Variants in GRIK5 observed in about 807,000 individuals in gnomAD.
GRIK5 encodes the protein glutamate ionotropic receptor kainate type subunit 5.
Under a neutral mutation model 97.4 loss-of-function variants are expected in GRIK5, and 43 were observed. The observed-to-expected ratio is 0.44, with a 90% CI of 0.35 to 0.57. The LOEUF (loss-of-function observed/expected upper bound fraction) is 0.57. Among genes scored for constraint, GRIK5 ranks in the 20% least tolerant of loss-of-function variants. The pLI, the probability that GRIK5 is intolerant of heterozygous loss-of-function variation, is 0.01. For missense variants in GRIK5, 1,015 were observed against 1,382.0 expected (o/e 0.73, Z 4.21); for synonymous variants, 580 against 583.5 (o/e 0.99, Z 0.09).
chr19:42,056,954 C>G lies in GRIK5; in HGVS notation c.712G>C (p.Ala238Pro), dbSNP rs1188392300. 6.4e-7 allele frequency: 1 copy of G among 1,564,542 alleles called. No homozygotes were observed. The highest frequency in any genetic ancestry group is 8.7e-7 in the Non-Finnish European group (1 of 1,154,320). The change falls in exon 7 of 20, where the codon GCG becomes CCG. Residue 238 changes from alanine to proline, a missense_variant. Transcript: ENST00000593562. Reference sequence around the variant, plus strand: ...GTGGTGAGGATGTACTTGTAAAACGCTGAGGTCATTCCCAGTTCCGAGGCC... The same window carrying G: ...GTGGTGAGGATGTACTTGTAAAACGGTGAGGTCATTCCCAGTTCCGAGGCC... ...RKASELGMTS[A>P]FYKYILTTMD...
At chr19:42,054,252 T>A in intron 9 of GRIK5, 68 bp downstream of exon 9, 1 of 1,512,868 alleles carries the variant, frequency 6.6e-7, no homozygotes, top group Non-Finnish European at 9.0e-7. Flanking sequence ...CACAGGGTGG[T>A]CACAGTGAGC....
At chr19:42,050,657 CAAAA>C in intron 11 of GRIK5, among the ~76,000 whole-genome samples, 1 of 58,724 alleles carries the variant, frequency 1.7e-5, no homozygotes, top group Admixed American at 2.0e-4. Flanking sequence ...GACTCTGTCT[CAAAA>C]AAAAAAAAAA....
At position 42,022,112 on chromosome 19, in the gene GRIK5, GC is replaced by G; in HGVS notation, c.1588-57del. Reference sequence around the variant, plus strand: ...ACCCCTGGCCTGAGCCTCACACCCAGCCCCTGCCCTACCAGGGACCTGGGAG... The same window carrying G: ...ACCCCTGGCCTGAGCCTCACACCCAGCCCTGCCCTACCAGGGACCTGGGAG... On this transcript the variant is annotated intron_variant, in intron 13 of 19. Coordinates refer to ENST00000593562, the MANE Select transcript of GRIK5 (RefSeq NM_002088.5). The surrounding 1 kb of genome is among the most constrained non-coding windows in gnomAD (Gnocchi z 4.2). 7.0e-7 allele frequency: 1 copy of G among 1,437,574 alleles called. No homozygotes were observed. Among genetic ancestry groups the G allele is most frequent in the Non-Finnish European group, 9.7e-7 (1 of 1,030,958 alleles). The allele number at this position is 1,437,574 out of a possible 1,614,324, so 89.1% of individuals were successfully genotyped here.
At position 42,065,202 on chromosome 19, in the gene GRIK5, C is replaced by T. The variant is rs747846558; in HGVS notation, c.244+21G>A. ...CACCGACCTGCCCTGCCTCACCCCA[C>T]GCCCCCATGGCCCCGCTCACTGGTG... On this transcript the variant is annotated intron_variant, in intron 3 of 19. Coordinates refer to ENST00000593562, the MANE Select transcript of GRIK5 (RefSeq NM_002088.5). This position sits in a 1 kb window ranked among gnomAD's most constrained non-coding sequence, Gnocchi z 5.8. The T allele has an allele frequency of 1.4e-5, 23 of 1,595,894 alleles. No homozygotes were observed. The highest frequency in any genetic ancestry group is 4.0e-5 in the African/African-American group (3 of 74,862).
intron 3 of GRIK5, among the ~76,000 whole-genome samples, chr19:42,064,190 C>G (rs2076297379): frequency 6.6e-6 from 1 of 152,180 alleles, no homozygotes; most frequent in Non-Finnish European, 1.5e-5. Flanking sequence ...ATCCAGTCTC[C>G]AGATTCTCTT....
intron 11 of GRIK5, 23 bp downstream of exon 11, chr19:42,053,579 G>T: frequency 7.1e-7 from 1 of 1,400,712 alleles, no homozygotes; most frequent in Non-Finnish European, 1.0e-6. Context: ...GCCACTCCCA[G>T]GCCCCCATCT....
chr19:41,999,662 C>A lies in GRIK5; in HGVS notation c.2515-363G>T, dbSNP rs916187589. On this transcript the variant is annotated intron_variant, in intron 19 of 19. Transcript: ENST00000593562. This position sits in a 1 kb window ranked among gnomAD's most constrained non-coding sequence, Gnocchi z 5.0. The stretch of plus-strand genomic sequence containing the variant: ...CATCCATGCGTTCATTATTGCAAGG[C>A]ATATTTACCTGTGGCCTGCTGTGTG... 2.6e-5 allele frequency among the ~76,000 whole-genome samples: 4 copies of A among 152,300 alleles called. No individual in the cohort carries two copies. The highest frequency in any genetic ancestry group is 2.1e-4 in the South Asian group (1 of 4,826).
intron 12 of GRIK5, among the ~76,000 whole-genome samples, chr19:42,029,873 G>A (rs1197462894): frequency 6.6e-6 from 1 of 152,114 alleles, no homozygotes; most frequent in Non-Finnish European, 1.5e-5. Flanking sequence ...AATCCAAAAA[G>A]TCCACCAAAT....
At chr19:42,026,915 G>A (rs1599779675) in intron 12 of GRIK5, among the ~76,000 whole-genome samples, 1 of 151,958 alleles carries the variant, frequency 6.6e-6, no homozygotes, top group Non-Finnish European at 1.5e-5. Context: ...ACCCAATGAG[G>A]CCCTAACTAC....
rs1873831818 is a variant in GRIK5 at position 42,021,085 on chromosome 19, C to A, written c.1871+216G>T. ...TTCTCCCCATCTTTCAGGGAGGTCA[C>A]TGAGGCAAAGGGAGGGTTGCGGTCT... On this transcript the variant is annotated intron_variant, in intron 15 of 19. Coordinates refer to ENST00000593562, the MANE Select transcript of GRIK5 (RefSeq NM_002088.5). The surrounding 1 kb of genome is among the most constrained non-coding windows in gnomAD (Gnocchi z 4.2). Among the ~76,000 whole-genome samples, 1 of 152,188 alleles carries A rather than the reference C, an allele frequency of 6.6e-6. No homozygotes were observed.
chr19:42,029,587 CA>C (rs1004278436), intron 12 of GRIK5, among the ~76,000 whole-genome samples: 1 of 152,032 alleles, frequency 6.6e-6, no homozygotes, highest in Non-Finnish European at 1.5e-5. Flanking sequence ...TCAAAACAAA[CA>C]AAAAAACCCT....
chr19:42,030,978 G>C (rs1379292703), intron 12 of GRIK5, among the ~76,000 whole-genome samples: 2 of 152,214 alleles, frequency 1.3e-5, no homozygotes, highest in Non-Finnish European at 2.9e-5. Flanking sequence ...AAGTGGGAAA[G>C]TTGATGTCAC....
chr19:41,999,247 C>A lies in GRIK5; in HGVS notation c.2567G>T (p.Arg856Leu). 1.3e-6 allele frequency: 2 copies of A among 1,524,620 alleles called. No individual in the cohort carries two copies. Among genetic ancestry groups the A allele is most frequent in the South Asian group, 1.2e-5 (1 of 83,510 alleles). 94.4% of individuals were successfully genotyped at this position (1,524,620 alleles called of 1,614,324 possible). A position where few individuals can be genotyped will look rare whatever the true frequency, so the allele number is the denominator to read the frequency against. ...GCGCCGGCGGGAACGCGACGTCTTG[C>A]GGCAAGAAACGGCGTGGCGCAGCTC... The part of the protein sequence containing the change: ...LQELRHAVSC[R>L]KTSRSRRRRR... The change falls in exon 20 of 20, where the codon CGC becomes CTC. Residue 856 changes from arginine (R) to leucine (L), a missense_variant. Physicochemically the swap from Arg to Leu is moderately radical, Grantham distance 102 (BLOSUM62 -2). Around this residue, in one of 5 missense-constraint regions of GRIK5, gnomAD observed 229 missense variants for 341.0 expected, o/e 0.67. Coordinates refer to ENST00000593562, the MANE Select transcript of GRIK5 (RefSeq NM_002088.5). The surrounding 1 kb of genome is among the most constrained non-coding windows in gnomAD (Gnocchi z 5.0).
At chr19:42,016,033 C>T (rs986930076) in intron 15 of GRIK5, among the ~76,000 whole-genome samples, 2 of 152,118 alleles carry the variant, frequency 1.3e-5, no homozygotes, top group African/African-American at 4.8e-5. Context: ...AAACCAAAAC[C>T]CCAAGACACA....
chr19:42,010,671 G>A (rs1331707092), intron 15 of GRIK5, among the ~76,000 whole-genome samples: 1 of 152,198 alleles, frequency 6.6e-6, no homozygotes. Context: ...AATATTAAAG[G>A]AAGTTCTGCA....
At position 42,006,501 on chromosome 19, in the gene GRIK5, C is replaced by T. The variant is rs2075493056; in HGVS notation, c.2037+144G>A. ...GCCAGCTGCGAGCCCCATGACAGCA[C>T]ATGTGTGTTTTCTGCTCCCCAGCCT... On this transcript the variant is annotated intron_variant, in intron 16 of 19. Transcript: ENST00000593562. This position sits in a 1 kb window ranked among gnomAD's most constrained non-coding sequence, Gnocchi z 5.3. 5.7e-6 allele frequency: 4 copies of T among 701,762 alleles called. No individual in the cohort carries two copies. The highest frequency in any genetic ancestry group is 3.5e-5 in the African/African-American group (2 of 56,684). The allele number at this position is 701,762 out of a possible 1,614,324, so 43.5% of individuals were successfully genotyped here. A position where few individuals can be genotyped will look rare whatever the true frequency, so the allele number is the denominator to read the frequency against.
intron 15 of GRIK5, among the ~76,000 whole-genome samples, chr19:42,014,644 G>A (rs761039649): frequency 2.0e-5 from 3 of 151,996 alleles, no homozygotes; most frequent in Non-Finnish European, 4.4e-5. Context: ...TTAGCTGGGT[G>A]TGGTGGCATG....
chr19:42,012,068 A>G (rs946987092), intron 15 of GRIK5, among the ~76,000 whole-genome samples: 13 of 152,226 alleles, frequency 8.5e-5, no homozygotes, highest in Non-Finnish European at 1.9e-4. Flanking sequence ...AAACCTAACC[A>G]TATCAGTAAT....
intron 11 of GRIK5, among the ~76,000 whole-genome samples, chr19:42,047,821 A>T (rs2076061477): frequency 6.6e-6 from 1 of 151,838 alleles, no homozygotes; most frequent in South Asian, 2.1e-4. Context: ...AAATACAAAA[A>T]TCAGCCAGGC....
Sources: allele counts gnomAD v4.1 joint callset (sites outside exome capture counted in the v4.1 genomes callset), GRCh38; gene constraint gnomAD v4.1.1; regional missense constraint gnomAD v4.1.1; non-coding constraint Gnocchi (gnomAD v3.1); transcripts MANE v1.5; gene names NCBI Gene and HGNC (gene_info 2026-07-23, HGNC 2026-07-21).